Variants in NOL10 observed in about 807,000 individuals in gnomAD.
The protein encoded by NOL10 is nucleolar protein 10, also known as H_NH0074G24.1.
NOL10 carries 58 observed loss-of-function variants against 103.5 expected under a neutral mutation model. The ratio of observed to expected loss-of-function variants is 0.56; its 90% CI spans 0.45 to 0.70. NOL10 has a LOEUF of 0.70. Ranked by LOEUF, NOL10 falls within the 30% of genes least tolerant of loss-of-function variation. The probability of loss-of-function intolerance (pLI) is 0.00; values close to 1 mark genes in which losing one functional copy is unlikely to be tolerated. For synonymous variants in NOL10, 287 were observed against 282.5 expected, an observed-to-expected ratio of 1.02 and a Z score of -0.16; for missense variants, 763 against 807.3, an observed-to-expected ratio of 0.95 and a Z score of 0.67.
Position 10,644,371 on chromosome 2 carries a change from G to A in NOL10, c.975C>T (p.Gly325=). Reference sequence around the variant, plus strand: ...GGGTTTCATTGGCCGTCAGAAGCATGCCTAAAAATAAATACAATGAAAAAG... The same window carrying A: ...GGGTTTCATTGGCCGTCAGAAGCATACCTAAAAATAAATACAATGAAAAAG... ...LNDVCLYPNS[G]MLLTANETPK... The change falls in exon 13 of 21, where the codon GGC becomes GGT. Residue 325 remains glycine, a splice_region_variant and synonymous_variant. Coordinates refer to ENST00000381685, the MANE Select transcript of NOL10 (RefSeq NM_024894.4). 1.3e-6 allele frequency: 2 copies of A among 1,533,458 alleles called. No homozygotes were observed. The highest frequency in any genetic ancestry group is 1.8e-6 in the Non-Finnish European group (2 of 1,140,704). The allele number at this position is 1,533,458 out of a possible 1,614,324, so 95.0% of individuals were successfully genotyped here. A position where few individuals can be genotyped will look rare whatever the true frequency, so the allele number is the denominator to read the frequency against.
chr2:10,654,433 A>G (rs929449521), intron 12 of NOL10, 48 bp downstream of exon 12: 3 of 1,264,974 alleles, frequency 2.4e-6, no homozygotes, highest in Admixed American at 4.4e-5. Flanking sequence ...TCACTACAGA[A>G]TGCATCTTTT....
chr2:10,596,242 T>C (rs1675681819), intron 17 of NOL10, among the ~76,000 whole-genome samples: 1 of 92,230 alleles, frequency 1.1e-5, no homozygotes, highest in Non-Finnish European at 2.0e-5. Context: ...AGACAAGTTT[T>C]CCACAGATGG....
At chr2:10,660,903 T>C (rs1301055523) in intron 9 of NOL10, among the ~76,000 whole-genome samples, 1 of 151,436 alleles carries the variant, frequency 6.6e-6, no homozygotes, top group Non-Finnish European at 1.5e-5. Context: ...CTTATAAGGT[T>C]TGTAGGGAAA....
At chr2:10,601,432 T>C (rs1332501769) in intron 16 of NOL10, among the ~76,000 whole-genome samples, 1 of 152,180 alleles carries the variant, frequency 6.6e-6, no homozygotes, top group Non-Finnish European at 1.5e-5. Flanking sequence ...TGATACCAGG[T>C]GGGCCACATG....
chr2:10,595,449 C>T (rs534118934), intron 17 of NOL10, among the ~76,000 whole-genome samples: 24 of 152,220 alleles, frequency 1.6e-4, no homozygotes, highest in Non-Finnish European at 2.5e-4. Flanking sequence ...GGACCACAGG[C>T]ATGCACCACT....
At chr2:10,674,598 G>A (rs908207103) in intron 4 of NOL10, among the ~76,000 whole-genome samples, 2 of 152,172 alleles carry the variant, frequency 1.3e-5, no homozygotes, top group Non-Finnish European at 2.9e-5. Flanking sequence ...CCAGCACTTT[G>A]GGAGGTCGAG....
intron 15 of NOL10, 91 bp downstream of exon 15, chr2:10,602,987 T>G: frequency 8.1e-7 from 1 of 1,236,468 alleles, no homozygotes; most frequent in Non-Finnish European, 1.2e-6. Flanking sequence ...ACAAATCCTA[T>G]GTATGATTTA....
At chr2:10,660,115 A>C (rs1469842316) in intron 9 of NOL10, among the ~76,000 whole-genome samples, 2 of 152,082 alleles carry the variant, frequency 1.3e-5, no homozygotes. Flanking sequence ...TTGGCCCAGG[A>C]CCTAGAGTCC....
chr2:10,672,730 C>T lies in NOL10; in HGVS notation c.327+790G>A, dbSNP rs566863288. 8.5e-5 allele frequency among the ~76,000 whole-genome samples: 13 copies of T among 152,236 alleles called. No individual in the cohort carries two copies. The East Asian group carries it at 9.7e-4, about 11-fold the overall frequency. ...AAGATGGGTCGGGGGCAGTTGCTCA[C>T]GCCTGTAATCCCAACACTTTGGGAG... On this transcript the variant is annotated intron_variant, in intron 5 of 20. Coordinates refer to ENST00000381685, the MANE Select transcript of NOL10 (RefSeq NM_024894.4).
chr2:10,596,276 C>T (rs111755412), intron 17 of NOL10, among the ~76,000 whole-genome samples: 4 of 134,518 alleles, frequency 3.0e-5, no homozygotes, highest in South Asian at 2.3e-4. Flanking sequence ...GGGGCGGGCG[C>T]GAGGGAGTTT....
At chr2:10,674,543 T>TA (rs1250246384) in intron 4 of NOL10, among the ~76,000 whole-genome samples, 19 of 152,230 alleles carry the variant, frequency 1.2e-4, no homozygotes, top group African/African-American at 4.3e-4. Flanking sequence ...ATGAGCCCTT[T>TA]AAAAGCAGAG....
intron 1 of NOL10, among the ~76,000 whole-genome samples, chr2:10,688,784 A>C (rs997730636): frequency 6.6e-6 from 1 of 152,202 alleles, no homozygotes; most frequent in Admixed American, 6.5e-5. Context: ...TTCTCAATAC[A>C]TGTGGAGAAT....
chr2:10,572,283 A>C, intron 20 of NOL10, 93 bp from the exon 21 acceptor site: 4 of 1,324,084 alleles, frequency 3.0e-6, no homozygotes, highest in Non-Finnish European at 4.3e-6. Flanking sequence ...ACCACCACCA[A>C]TCTCAGAACT....
At chr2:10,628,585 G>C (rs1196349285) in intron 13 of NOL10, among the ~76,000 whole-genome samples, 1 of 152,058 alleles carries the variant, frequency 6.6e-6, no homozygotes, top group African/African-American at 2.4e-5. Flanking sequence ...AGGTTCTAAA[G>C]TCAAGCAGAT....
intron 6 of NOL10, among the ~76,000 whole-genome samples, chr2:10,669,382 C>A (rs1176988856): frequency 6.7e-6 from 1 of 150,302 alleles, no homozygotes; most frequent in African/African-American, 2.4e-5. Flanking sequence ...AGCCACCATG[C>A]CCAGCCTGAA....
chr2:10,689,890 G>A lies in NOL10; in HGVS notation c.-29C>T, dbSNP rs367974579. 3 of 1,588,892 alleles carry A rather than the reference G, an allele frequency of 1.9e-6. No individual in the cohort carries two copies. The highest frequency in any genetic ancestry group is 3.6e-5 in the Admixed American group (2 of 56,146). Reference sequence around the variant, plus strand: ...GCCGCACAACACTGTTCAAGTCCCGGGTCCTTTCCCACCAGCGTGCTCGAG... The same window carrying A: ...GCCGCACAACACTGTTCAAGTCCCGAGTCCTTTCCCACCAGCGTGCTCGAG... On this transcript the variant is annotated 5_prime_UTR_variant, in exon 1 of 21. Transcript: ENST00000381685.
At chr2:10,628,342 C>T (rs2148237128) in intron 13 of NOL10, among the ~76,000 whole-genome samples, 1 of 152,244 alleles carries the variant, frequency 6.6e-6, no homozygotes, top group Middle Eastern at 3.4e-3. Flanking sequence ...CATTCTCGAC[C>T]CCCATTCACA....
At chr2:10,686,916 C>A (rs533988809) in intron 1 of NOL10, among the ~76,000 whole-genome samples, 1 of 152,052 alleles carries the variant, frequency 6.6e-6, no homozygotes, top group Non-Finnish European at 1.5e-5. Context: ...GACATCCAAG[C>A]GGGGATGTCA....
intron 17 of NOL10, 103 bp from the exon 18 acceptor site, chr2:10,589,854 G>A (rs1372397589): frequency 2.5e-5 from 17 of 670,784 alleles, no homozygotes; most frequent in South Asian, 2.2e-4. Context: ...GTTAATAAGC[G>A]GCATGAGGCA....
Sources: allele counts gnomAD v4.1 joint callset (sites outside exome capture counted in the v4.1 genomes callset), GRCh38; gene constraint gnomAD v4.1.1; transcripts MANE v1.5; gene names NCBI Gene and HGNC (gene_info 2026-07-23, HGNC 2026-07-21).